The following HIGD2B variants were observed in gnomAD, a reference collection of about 807,000 sequenced individuals.
HIGD2B encodes HIG1 domain family member 2B.
For missense variants in HIGD2B, 106 were observed against 67.0 expected, an observed-to-expected ratio of 1.58 and a Z score of -2.03; for synonymous variants, 45 against 28.1, an observed-to-expected ratio of 1.60 and a Z score of -1.90.
At chr15:72,684,933 A>C (rs1254312924) in intron 1 of HIGD2B, among the ~76,000 whole-genome samples, 1 of 152,032 alleles carries the variant, frequency 6.6e-6, no homozygotes, top group Non-Finnish European at 1.5e-5. Context: ...ACAGGCGGGC[A>C]CCACCATGCC....
rs2064823296 is a variant in HIGD2B at position 72,686,052 on chromosome 15, C to T, written c.-427G>A. The T allele has an allele frequency of 1.4e-6, 1 of 714,490 alleles. No individual in the cohort carries two copies. Among genetic ancestry groups the T allele is most frequent in the Non-Finnish European group, 2.4e-6 (1 of 417,334 alleles). The allele number at this position is 714,490 out of a possible 1,614,324, so 44.3% of individuals were successfully genotyped here. ...CTGCGCATTCCCTCCCCGACTCTTT[C>T]AGAGGTAAGCCTTCTGTGGAGCAGA... On this transcript the variant is annotated 5_prime_UTR_variant, in exon 1 of 3. Transcript: ENST00000311755.
At position 72,686,173 on chromosome 15, in the gene HIGD2B, C is replaced by T; in HGVS notation, c.-548G>A. The T allele has an allele frequency of 2.0e-6, 3 of 1,534,830 alleles. No homozygotes were observed. Among genetic ancestry groups the T allele is most frequent in the Non-Finnish European group, 2.6e-6 (3 of 1,136,034 alleles). ...CCACAGCCCTACGACTTCCGCTTGCCTCGTCGTCTGGGAAACCGCCGACTT... is the reference window on the plus strand; with the variant it reads ...CCACAGCCCTACGACTTCCGCTTGCTTCGTCGTCTGGGAAACCGCCGACTT... On this transcript the variant is annotated 5_prime_UTR_variant, in exon 1 of 3. Transcript: ENST00000311755.
At chr15:72,681,824 C>A (rs2064753666) in intron 1 of HIGD2B, among the ~76,000 whole-genome samples, 1 of 152,108 alleles carries the variant, frequency 6.6e-6, no homozygotes, top group African/African-American at 2.4e-5. Context: ...CCAGGCTGGT[C>A]TCAAACTCCG....
intron 2 of HIGD2B, among the ~76,000 whole-genome samples, chr15:72,678,353 T>C (rs1020741549): frequency 1.4e-4 from 21 of 152,292 alleles, no homozygotes; most frequent in African/African-American, 5.1e-4. Flanking sequence ...TGGAGTTTGG[T>C]GGCATGATCA....
At chr15:72,682,227 C>T (rs2064757422) in intron 1 of HIGD2B, 1 of 155,058 alleles carries the variant, frequency 6.4e-6, no homozygotes, top group South Asian at 1.9e-4. Flanking sequence ...ATGTTAACAA[C>T]TTATTGAACT....
chr15:72,681,900 C>T (rs1408313236), intron 1 of HIGD2B, among the ~76,000 whole-genome samples: 1 of 152,036 alleles, frequency 6.6e-6, no homozygotes, highest in Admixed American at 6.6e-5. Context: ...CATGAGCCAC[C>T]GCACTTGGAC....
intron 1 of HIGD2B, chr15:72,682,386 A>G: frequency 4.5e-6 from 1 of 224,172 alleles, no homozygotes; most frequent in South Asian, 7.7e-5. Context: ...CTCTGATATG[A>G]AGGACATTAT....
At position 72,676,254 on chromosome 15, in the gene HIGD2B, G is replaced by T. The variant is rs542891198; in HGVS notation, c.121C>A (p.Arg41Ser). Reference sequence around the variant, plus strand: ...ACCACCGGATTCTCGCGGGTCTTGCGAAGGAACTTTTCCTTGAAACCCTCT... The same window carrying T: ...ACCACCGGATTCTCGCGGGTCTTGCTAAGGAACTTTTCCTTGAAACCCTCT... ...NPEGFKEKFL[R>S]KTRENPVVPI... Residue 41 changes from arginine (R) to serine (S), a missense_variant, in exon 3 of 3, where the codon CGC becomes AGC. By Grantham distance (110) the Arg-to-Ser change is moderately radical (BLOSUM62 -1). Transcript: ENST00000311755. 2.1e-5 allele frequency: 16 copies of T among 767,102 alleles called. No individual in the cohort carries two copies. The South Asian group carries it at 2.2e-4, about 10-fold the overall frequency. The allele number at this position is 767,102 out of a possible 1,614,324, so 47.5% of individuals were successfully genotyped here.
intron 1 of HIGD2B, chr15:72,682,351 C>A: frequency 4.5e-6 from 1 of 224,296 alleles, no homozygotes; most frequent in South Asian, 7.7e-5. Context: ...TCTCATTTCC[C>A]CATCCTCTTC....
chr15:72,684,379 A>G lies in HIGD2B; in HGVS notation c.-193+1439T>C, dbSNP rs146875337. Reference sequence around the variant, plus strand: ...ATTACCTGTTATAGCTGAAGTGTGAATTGGCCTTATGTTCCCTACCTCCAG... The same window carrying G: ...ATTACCTGTTATAGCTGAAGTGTGAGTTGGCCTTATGTTCCCTACCTCCAG... On this transcript the variant is annotated intron_variant, in intron 1 of 2. Transcript: ENST00000311755. Among the ~76,000 whole-genome samples, 280 of 150,384 alleles carry G rather than the reference A, an allele frequency of 1.9e-3. 1 individual carries two copies. Among genetic ancestry groups the G allele is most frequent in the Admixed American group, 6.6e-3 (99 of 15,110 alleles).
chr15:72,675,855 A>G lies in HIGD2B; in HGVS notation c.*199T>C, dbSNP rs1307289540. 1.8e-6 allele frequency: 1 copy of G among 561,446 alleles called. No individual in the cohort carries two copies. Among genetic ancestry groups the G allele is most frequent in the African/African-American group, 1.9e-5 (1 of 53,330 alleles). The allele number at this position is 561,446 out of a possible 1,614,324, so 34.8% of individuals were successfully genotyped here. A position where few individuals can be genotyped will look rare whatever the true frequency, so the allele number is the denominator to read the frequency against. ...GGGAGTGGAGGGAAGATGTGGCACA[A>G]ATAGAAATATGTAACATTCAAACAA... is the stretch of plus-strand genomic sequence containing the variant. On this transcript the variant is annotated 3_prime_UTR_variant, in exon 3 of 3. Coordinates refer to ENST00000311755, the MANE Select transcript of HIGD2B (RefSeq NM_001350932.3).
intron 1 of HIGD2B, among the ~76,000 whole-genome samples, chr15:72,685,214 C>G (rs1165494927): frequency 2.6e-5 from 4 of 152,132 alleles, no homozygotes; most frequent in Non-Finnish European, 5.9e-5. Flanking sequence ...GGGGTTCTCC[C>G]TCTCTTAGAG....
At chr15:72,678,182 T>A (rs1567384059) in intron 2 of HIGD2B, among the ~76,000 whole-genome samples, 1 of 152,212 alleles carries the variant, frequency 6.6e-6, no homozygotes, top group Non-Finnish European at 1.5e-5. Context: ...AGTCACATAT[T>A]ACACAGAGGA....
intron 1 of HIGD2B, among the ~76,000 whole-genome samples, chr15:72,680,708 A>T (rs8038907): frequency 2.6e-5 from 4 of 152,116 alleles, no homozygotes; most frequent in Admixed American, 1.3e-4. Context: ...CAAACATGGC[A>T]AAAACCTGTC....
intron 2 of HIGD2B, among the ~76,000 whole-genome samples, chr15:72,678,930 G>A (rs1196507209): frequency 1.3e-5 from 2 of 151,856 alleles, no homozygotes; most frequent in South Asian, 4.2e-4. Flanking sequence ...CTAGGAATTC[G>A]AGGCTACAAT....
At chr15:72,678,462 A>AT (rs1280358564) in intron 2 of HIGD2B, among the ~76,000 whole-genome samples, 14 of 151,824 alleles carry the variant, frequency 9.2e-5, no homozygotes, top group Non-Finnish European at 1.6e-4. Flanking sequence ...TGCCTGGCTA[A>AT]TTTTTTTGTA....
At chr15:72,681,362 T>C (rs138689727) in intron 1 of HIGD2B, among the ~76,000 whole-genome samples, 15 of 152,314 alleles carry the variant, frequency 9.8e-5, no homozygotes, top group African/African-American at 3.6e-4. Context: ...GCAGGATCCA[T>C]GGAGGTGGCC....
Position 72,686,109 on chromosome 15 carries a change from T to G in HIGD2B, c.-484A>C. The G allele has an allele frequency of 9.4e-7, 1 of 1,068,006 alleles. No homozygotes were observed. Among genetic ancestry groups the G allele is most frequent in the Non-Finnish European group, 1.4e-6 (1 of 719,532 alleles). 66.2% of individuals were successfully genotyped at this position (1,068,006 alleles called of 1,614,324 possible). On this transcript the variant is annotated 5_prime_UTR_variant, in exon 1 of 3. Transcript: ENST00000311755. The stretch of plus-strand genomic sequence containing the variant: ...TCCTCCCCCTGATTCCTTAGGTCAC[T>G]CGGCGATTTACTTCCTTCCCCCGCT...
intron 2 of HIGD2B, among the ~76,000 whole-genome samples, chr15:72,677,047 G>A (rs1476489307): frequency 6.6e-6 from 1 of 152,226 alleles, no homozygotes; most frequent in Non-Finnish European, 1.5e-5. Flanking sequence ...TTTGGAAGAT[G>A]TTACCATGGG....
Sources: allele counts gnomAD v4.1 joint callset (sites outside exome capture counted in the v4.1 genomes callset), GRCh38; gene constraint gnomAD v4.1.1; transcripts MANE v1.5; gene names NCBI Gene and HGNC (gene_info 2026-07-23, HGNC 2026-07-21).